TKT: variants seen among roughly 807,000 people sequenced by gnomAD.
The protein encoded by TKT is epididymis luminal protein 107.
TKT carries 47 observed loss-of-function variants against 63.9 expected under a neutral mutation model. That is an observed-to-expected ratio of 0.74 (90% confidence interval 0.58 to 0.94). TKT has a LOEUF of 0.94. TKT is among the 40% of genes least tolerant of loss of function. TKT has a pLI of 0.00. For missense variants in TKT, 721 were observed against 846.2 expected (o/e 0.85, Z 1.84); for synonymous variants, 338 against 334.1 (o/e 1.01, Z -0.13).
intron 1 of TKT, among the ~76,000 whole-genome samples, chr3:53,244,353 C>A (rs1705416009): frequency 6.6e-6 from 1 of 152,200 alleles, no homozygotes; most frequent in Admixed American, 6.5e-5. Flanking sequence ...GTGACTTCAA[C>A]AAGTGCTTCG....
At chr3:53,254,350 A>C (rs1421713257) in intron 1 of TKT, among the ~76,000 whole-genome samples, 5 of 152,168 alleles carry the variant, frequency 3.3e-5, no homozygotes, top group African/African-American at 9.7e-5. Flanking sequence ...TACCCCACAT[A>C]AGTGGTAAGA....
At chr3:53,227,957 A>G (rs1471785555) in intron 12 of TKT, 99 bp downstream of exon 12, 2 of 977,576 alleles carry the variant, frequency 2.0e-6, no homozygotes, top group Non-Finnish European at 1.6e-6. Flanking sequence ...TCTAGCTGTG[A>G]GCTCTTCAAG....
At chr3:53,245,199 G>C (rs1019019107) in intron 1 of TKT, among the ~76,000 whole-genome samples, 1 of 151,556 alleles carries the variant, frequency 6.6e-6, no homozygotes, top group Admixed American at 6.6e-5. Context: ...CCAGCTACTC[G>C]GGAAGCTGAG....
In TKT at chr3:53,234,998, C is replaced by T. The variant is rs184742148; in HGVS notation, c.614G>A (p.Arg205Gln). The change falls in exon 5 of 14, where the codon CGG becomes CAG. Residue 205 changes from arginine (R) to glutamine (Q), a missense_variant. By Grantham distance (43) the Arg-to-Gln change is conservative. Transcript: ENST00000462138. Reference sequence around the variant, plus strand: ...TCGTACATACCCGAAGGCCTCGCACCGCTTCTGGTAGATGTCCATCTGGTG... The same window carrying T: ...TCGTACATACCCGAAGGCCTCGCACTGCTTCTGGTAGATGTCCATCTGGTG... ...LQHQMDIYQK[R>Q]CEAFGWHAII... The T allele has an allele frequency of 2.3e-5, 37 of 1,613,060 alleles. No individual in the cohort carries two copies. The highest frequency in any genetic ancestry group is 6.6e-5 in the South Asian group (6 of 90,950).
rs113369659 is a variant in TKT, at chr3:53,230,526, G to A, written c.1038C>T (p.Thr346=). 8 of 1,614,132 alleles carry A rather than the reference G, an allele frequency of 5.0e-6. No homozygotes were observed. In the African/African-American group the frequency reaches 6.7e-5, roughly 13 times the overall value. ...IALDGDTKNS[T]FSEIFKKEHP... is the part of the protein sequence containing the mutation. ...GCTCCTTTTTGAAGATCTCCGAGAA[G>A]GTGGAATTTTTGGTGTCCCCATCCA... The change falls in exon 8 of 14, where the codon ACC becomes ACT. Residue 346 remains threonine (T), a synonymous_variant. Transcript: ENST00000462138.
intron 1 of TKT, among the ~76,000 whole-genome samples, chr3:53,251,851 G>A (rs1553681684): frequency 6.6e-6 from 1 of 152,120 alleles, no homozygotes; most frequent in Non-Finnish European, 1.5e-5. Flanking sequence ...AAGAAAAAAG[G>A]AAAAGGGGCC....
chr3:53,255,570 C>T (rs1363386885), intron 1 of TKT, among the ~76,000 whole-genome samples: 1 of 152,186 alleles, frequency 6.6e-6, no homozygotes, highest in Non-Finnish European at 1.5e-5. Context: ...GCCGGCGATC[C>T]GCGTGGGGAA....
Position 53,255,968 on chromosome 3 carries a change from A to T in TKT, c.-26T>A. 6.8e-7 allele frequency: 1 copy of T among 1,466,704 alleles called. No homozygotes were observed. Among genetic ancestry groups the T allele is most frequent in the African/African-American group, 1.5e-5 (1 of 68,564 alleles). The allele number at this position is 1,466,704 out of a possible 1,614,324, so 90.9% of individuals were successfully genotyped here. On this transcript the variant is annotated 5_prime_UTR_variant, in exon 1 of 14. Transcript: ENST00000462138. ...GGTGCGGCAGGCGGGGACCGGGCGCACACGCGGACACACAGAGATAGCGGC... is the reference window on the plus strand; with the variant it reads ...GGTGCGGCAGGCGGGGACCGGGCGCTCACGCGGACACACAGAGATAGCGGC...
chr3:53,250,413 C>G (rs1705695118), intron 1 of TKT, among the ~76,000 whole-genome samples: 2 of 152,152 alleles, frequency 1.3e-5, no homozygotes, highest in Non-Finnish European at 2.9e-5. Context: ...CGGTGGGACC[C>G]CGGAGCCCAC....
intron 1 of TKT, among the ~76,000 whole-genome samples, chr3:53,245,556 G>A (rs1214004022): frequency 6.6e-6 from 1 of 152,142 alleles, no homozygotes; most frequent in African/African-American, 2.4e-5. Flanking sequence ...GGCCAAGGCA[G>A]GCAGATCACC....
intron 1 of TKT, 44 bp downstream of exon 1, chr3:53,255,792 C>T (rs1356361884): frequency 6.7e-6 from 9 of 1,342,930 alleles, no homozygotes; most frequent in Non-Finnish European, 7.8e-6. Flanking sequence ...CAGACGCCCC[C>T]CGCCCCGCCC....
intron 13 of TKT, chr3:53,226,138 C>T: frequency 2.1e-6 from 1 of 480,282 alleles, no homozygotes; most frequent in Non-Finnish European, 3.6e-6. Flanking sequence ...AGGCTGGTCT[C>T]CCAACTCCTG....
intron 1 of TKT, among the ~76,000 whole-genome samples, chr3:53,248,233 AG>A (rs1553681205): frequency 6.6e-6 from 1 of 152,258 alleles, no homozygotes; most frequent in East Asian, 1.9e-4. Flanking sequence ...ACTTGCCTAA[AG>A]TCACACGGCC....
chr3:53,226,831 C>T lies in TKT; in HGVS notation c.1621G>A (p.Asp541Asn), dbSNP rs1270066585. 1.9e-6 allele frequency: 3 copies of T among 1,613,790 alleles called. No homozygotes were observed. The African/African-American group carries it at 4.0e-5, about 22-fold the overall frequency. Residue 541 changes from aspartate to asparagine, a missense_variant, in exon 13 of 14, where the codon GAC becomes AAC. Physicochemically the swap from Asp to Asn is conservative, Grantham distance 23. Transcript: ENST00000462138. ...GCGCTGTCGAGAATGAGTTTTCTGT[C>T]CAGGGGCTTGATGGTGAAGGGGTCC... is the stretch of plus-strand genomic sequence containing the variant. ...VLDPFTIKPL[D>N]RKLILDSARA...
intron 5 of TKT, chr3:53,233,604 G>A (rs1248463015): frequency 2.4e-5 from 5 of 208,586 alleles, no homozygotes; most frequent in Admixed American, 1.2e-4. Context: ...TGGGGTCAGC[G>A]CACTGGGTTT....
Position 53,231,061 on chromosome 3 carries a change from G to A in TKT, c.942+296C>T, listed in dbSNP as rs901218551. Among the ~76,000 whole-genome samples the A allele has an allele frequency of 6.6e-5, 10 of 152,194 alleles. 1 individual carries two copies. The highest frequency in any genetic ancestry group is 5.9e-4 in the Admixed American group (9 of 15,278). ...CCTGAGCTCAGGCCAAGGGTCCCTCGTGGACCAGCGATGCAAGAACTTGGG... is the reference window on the plus strand; with the variant it reads ...CCTGAGCTCAGGCCAAGGGTCCCTCATGGACCAGCGATGCAAGAACTTGGG... On this transcript the variant is annotated intron_variant, in intron 7 of 13. Coordinates refer to ENST00000462138, the MANE Select transcript of TKT (RefSeq NM_001064.4).
chr3:53,251,845 A>G (rs1429856591), intron 1 of TKT, among the ~76,000 whole-genome samples: 1 of 152,144 alleles, frequency 6.6e-6, no homozygotes, highest in Non-Finnish European at 1.5e-5. Context: ...AAAAAAAAGA[A>G]AAAAGGAAAA....
chr3:53,245,645 C>T (rs2106716412), intron 1 of TKT, among the ~76,000 whole-genome samples: 1 of 151,776 alleles, frequency 6.6e-6, no homozygotes, highest in African/African-American at 2.4e-5. Context: ...ATTAGCCGGG[C>T]GTGGTGGCAC....
chr3:53,249,863 G>A (rs376016119), intron 1 of TKT, among the ~76,000 whole-genome samples: 2 of 152,280 alleles, frequency 1.3e-5, no homozygotes, highest in Admixed American at 6.5e-5. Flanking sequence ...CCAGCACCCA[G>A]GGCAAACTGG....
Sources: allele counts gnomAD v4.1 joint callset (sites outside exome capture counted in the v4.1 genomes callset), GRCh38; gene constraint gnomAD v4.1.1; transcripts MANE v1.5; gene names NCBI Gene and HGNC (gene_info 2026-07-23, HGNC 2026-07-21).